CACNA2D1: variants seen among roughly 807,000 people sequenced by gnomAD.
CACNA2D1 encodes voltage-dependent calcium channel subunit alpha-2/delta-1.
In CACNA2D1, 53 loss-of-function variants were observed where a neutral mutation model predicts 171.5. The ratio of observed to expected loss-of-function variants is 0.31; its 90% CI spans 0.25 to 0.39. The LOEUF is 0.39. Ranked by LOEUF, CACNA2D1 falls within the 10% of genes least tolerant of loss-of-function variation. The pLI, the probability that CACNA2D1 is intolerant of heterozygous loss-of-function variation, is 1.00. For missense variants in CACNA2D1, 903 were observed against 1,299.8 expected (o/e 0.69, Z 4.69); for synonymous variants, 442 against 443.1 (o/e 1.00, Z 0.03).
At chr7:81,963,283 C>T (rs1349409517) in intron 34 of CACNA2D1, among the ~76,000 whole-genome samples, 1 of 151,630 alleles carries the variant, frequency 6.6e-6, no homozygotes, top group Non-Finnish European at 1.5e-5. Flanking sequence ...TTTAGCTGGG[C>T]AAACCTCAAC....
At chr7:82,215,993 C>A (rs570434402) in intron 3 of CACNA2D1, among the ~76,000 whole-genome samples, 1 of 152,104 alleles carries the variant, frequency 6.6e-6, no homozygotes, top group Non-Finnish European at 1.5e-5. Flanking sequence ...AATTGTGCCT[C>A]AGAAAATAAT....
At chr7:82,387,491 C>T (rs1043082429) in intron 1 of CACNA2D1, among the ~76,000 whole-genome samples, 3 of 152,110 alleles carry the variant, frequency 2.0e-5, no homozygotes, top group Admixed American at 1.3e-4. Context: ...CCAAATTTAA[C>T]GTGTCTTTAA....
intron 10 of CACNA2D1, among the ~76,000 whole-genome samples, chr7:82,039,060 T>C (rs1363551371): frequency 6.6e-6 from 1 of 152,210 alleles, no homozygotes; most frequent in African/African-American, 2.4e-5. Flanking sequence ...TTATTAACTC[T>C]GTAATTTGTG....
At chr7:82,336,018 G>A (rs1045356454) in intron 2 of CACNA2D1, among the ~76,000 whole-genome samples, 10 of 152,140 alleles carry the variant, frequency 6.6e-5, no homozygotes, top group African/African-American at 2.4e-4. Context: ...TAAAGAAAGG[G>A]GGGTTGGAGG....
chr7:82,263,211 C>G (rs1807362739), intron 3 of CACNA2D1, among the ~76,000 whole-genome samples: 1 of 149,306 alleles, frequency 6.7e-6, no homozygotes, highest in Non-Finnish European at 1.5e-5. Flanking sequence ...CAGGTTCAAG[C>G]AGTTCTCCAG....
chr7:81,981,217 C>A (rs910524553), intron 24 of CACNA2D1, among the ~76,000 whole-genome samples: 1 of 152,052 alleles, frequency 6.6e-6, no homozygotes, highest in Admixed American at 6.6e-5. Context: ...TCCTTTGCAG[C>A]CTTCTTATAT....
chr7:81,950,228 C>A lies in CACNA2D1; in HGVS notation c.*164G>T. The A allele has an allele frequency of 8.3e-7, 1 of 1,207,310 alleles. No homozygotes were observed. Among genetic ancestry groups the A allele is most frequent in the Non-Finnish European group, 1.2e-6 (1 of 853,748 alleles). 74.8% of individuals were successfully genotyped at this position (1,207,310 alleles called of 1,614,324 possible). A position where few individuals can be genotyped will look rare whatever the true frequency, so the allele number is the denominator to read the frequency against. ...AAGGATCTGACACCCTGACATGCAG[C>A]CAGTGGGTGCCTTAGGAGTCTGCGC... On this transcript the variant is annotated 3_prime_UTR_variant, in exon 39 of 39. Transcript: ENST00000356860.
chr7:82,093,098 G>A (rs1756547206), intron 6 of CACNA2D1, among the ~76,000 whole-genome samples: 1 of 151,828 alleles, frequency 6.6e-6, no homozygotes, highest in Non-Finnish European at 1.5e-5. Context: ...TGTATGTAAT[G>A]TGTGCAAAAA....
chr7:82,390,348 C>A (rs1824961908), intron 1 of CACNA2D1, among the ~76,000 whole-genome samples: 1 of 151,992 alleles, frequency 6.6e-6, no homozygotes, highest in African/African-American at 2.4e-5. Flanking sequence ...TGTACCCAAG[C>A]AATATGTATA....
intron 6 of CACNA2D1, among the ~76,000 whole-genome samples, chr7:82,093,834 G>C (rs1029083855): frequency 6.6e-6 from 1 of 151,984 alleles, no homozygotes; most frequent in African/African-American, 2.4e-5. Context: ...GCACATACAA[G>C]CTCCTGTTAA....
intron 3 of CACNA2D1, among the ~76,000 whole-genome samples, chr7:82,295,363 G>T (rs1812132827): frequency 6.6e-6 from 1 of 150,634 alleles, no homozygotes; most frequent in Admixed American, 6.6e-5. Flanking sequence ...TTGAGACAGG[G>T]TCTCACTCTG....
rs771189795 is a variant in CACNA2D1, at chr7:82,084,749, T to A, written c.658+20A>T. ...CATTGAGGCTGGAACTTGACAATGA[T>A]TGAATCACTAAGCACCTACCTGGAT... On this transcript the variant is annotated intron_variant, in intron 7 of 38. Coordinates refer to ENST00000356860, the MANE Select transcript of CACNA2D1 (RefSeq NM_000722.4). 1 of 1,613,820 alleles carries A rather than the reference T, an allele frequency of 6.2e-7. No individual in the cohort carries two copies.
chr7:82,373,031 A>G lies in CACNA2D1; in HGVS notation c.96-23382T>C, dbSNP rs201670033. ...GAAACCCCATCTCTACTAAAAATAC[A>G]AAATTACCTGGGCATGGTGGCACAC... is the stretch of plus-strand genomic sequence containing the variant. On this transcript the variant is annotated intron_variant, in intron 1 of 38. Transcript: ENST00000356860. Among the ~76,000 whole-genome samples the G allele has an allele frequency of 2.0e-5, 3 of 152,104 alleles. No homozygotes were observed. The East Asian group carries it at 5.8e-4, about 29-fold the overall frequency.
At chr7:82,252,803 T>C (rs1805817482) in intron 3 of CACNA2D1, among the ~76,000 whole-genome samples, 1 of 151,816 alleles carries the variant, frequency 6.6e-6, no homozygotes, top group Admixed American at 6.6e-5. Context: ...GGCAGGAGAA[T>C]TGCTTGAACC....
intron 1 of CACNA2D1, among the ~76,000 whole-genome samples, chr7:82,434,624 A>G (rs1196254521): frequency 6.6e-6 from 1 of 152,090 alleles, no homozygotes; most frequent in Admixed American, 6.6e-5. Context: ...AACATGCAGT[A>G]TTTGGTTTTC....
intron 1 of CACNA2D1, among the ~76,000 whole-genome samples, chr7:82,356,514 C>G (rs963320964): frequency 2.0e-5 from 3 of 152,120 alleles, no homozygotes; most frequent in Non-Finnish European, 4.4e-5. Flanking sequence ...TTTCCTTATA[C>G]TTTCAGAATT....
chr7:82,242,780 A>G (rs1467521251), intron 3 of CACNA2D1, among the ~76,000 whole-genome samples: 2 of 145,302 alleles, frequency 1.4e-5, no homozygotes, highest in Non-Finnish European at 3.0e-5. Flanking sequence ...ACGTCTACAC[A>G]TTCCAAATCA....
At chr7:82,210,143 T>A (rs1800413285) in intron 3 of CACNA2D1, among the ~76,000 whole-genome samples, 1 of 151,246 alleles carries the variant, frequency 6.6e-6, no homozygotes, top group Non-Finnish European at 1.5e-5. Flanking sequence ...TATAGAAGTA[T>A]TTGTTGAATA....
intron 1 of CACNA2D1, among the ~76,000 whole-genome samples, chr7:82,361,553 T>G (rs183356033): frequency 1.3e-5 from 2 of 152,162 alleles, no homozygotes; most frequent in Non-Finnish European, 2.9e-5. Flanking sequence ...TTTAAAAAAA[T>G]TATATAATTG....
Sources: gnomAD v4.1 joint callset for allele counts (sites outside exome capture counted in the v4.1 genomes callset) on GRCh38, gnomAD v4.1.1 for gene constraint, MANE v1.5 for transcripts, NCBI Gene and HGNC (gene_info 2026-07-23, HGNC 2026-07-21) for gene names.